Variants in SH3PXD2B observed in about 807,000 individuals in gnomAD.
SH3PXD2B encodes the protein SH3 and PX domains 2B.
In SH3PXD2B, 37 loss-of-function variants were observed where a neutral mutation model predicts 73.1. The observed-to-expected ratio is 0.51, with a 90% confidence interval of 0.39 to 0.67. The LOEUF (loss-of-function observed/expected upper bound fraction) is 0.67. Among genes scored for constraint, SH3PXD2B ranks in the 30% least tolerant of loss-of-function variants. SH3PXD2B has a pLI of 0.00. For missense variants in SH3PXD2B, 1,053 were observed against 1,197.8 expected, an observed-to-expected ratio of 0.88 and a Z score of 1.78; for synonymous variants, 457 against 480.5, an observed-to-expected ratio of 0.95 and a Z score of 0.64.
chr5:172,420,107 C>T (rs1468222605), intron 2 of SH3PXD2B, among the ~76,000 whole-genome samples: 1 of 152,200 alleles, frequency 6.6e-6, no homozygotes, highest in Non-Finnish European at 1.5e-5. Flanking sequence ...CCTTCCTCTT[C>T]CCCAGGGTTT....
chr5:172,391,123 G>A (rs1034401298), intron 4 of SH3PXD2B, among the ~76,000 whole-genome samples: 1 of 152,124 alleles, frequency 6.6e-6, no homozygotes, highest in African/African-American at 2.4e-5. Flanking sequence ...TTACAGCCGT[G>A]AGCCACCACG....
intron 2 of SH3PXD2B, among the ~76,000 whole-genome samples, chr5:172,420,358 T>C (rs1407292936): frequency 6.6e-6 from 1 of 152,244 alleles, no homozygotes; most frequent in Non-Finnish European, 1.5e-5. Flanking sequence ...CTTTATATTA[T>C]GCAATGACTC....
intron 2 of SH3PXD2B, among the ~76,000 whole-genome samples, chr5:172,410,043 C>G (rs1758657080): frequency 6.6e-6 from 1 of 152,208 alleles, no homozygotes. Context: ...ATCCATTCAT[C>G]TGCTGATGGG....
chr5:172,334,102 G>A lies in SH3PXD2B; in HGVS notation c.*4267C>T. The A allele has an allele frequency of 8.9e-7, 1 of 1,123,304 alleles. No individual in the cohort carries two copies. Among genetic ancestry groups the A allele is most frequent in the South Asian group, 2.0e-5 (1 of 49,552 alleles). 69.6% of individuals were successfully genotyped at this position (1,123,304 alleles called of 1,614,324 possible). On this transcript the variant is annotated 3_prime_UTR_variant, in exon 13 of 13. Coordinates refer to ENST00000311601, the MANE Select transcript of SH3PXD2B (RefSeq NM_001017995.3). ...GTTGAGCCCCTCATCCCTGATTGGA[G>A]CTAAGAAGGCTTACTTTGGAGTCGA...
At chr5:172,376,152 C>T (rs1181048991) in intron 5 of SH3PXD2B, among the ~76,000 whole-genome samples, 1 of 151,948 alleles carries the variant, frequency 6.6e-6, no homozygotes, top group African/African-American at 2.4e-5. Context: ...GCCTCAGCCT[C>T]CCATGTAGCT....
At chr5:172,441,291 C>G (rs1448360057) in intron 1 of SH3PXD2B, among the ~76,000 whole-genome samples, 1 of 152,150 alleles carries the variant, frequency 6.6e-6, no homozygotes, top group East Asian at 1.9e-4. Context: ...AGTGACAAAG[C>G]CAGGGTTTGT....
chr5:172,454,216 G>C, intron 1 of SH3PXD2B, 62 bp downstream of exon 1: 1 of 1,428,804 alleles, frequency 7.0e-7, no homozygotes, highest in Non-Finnish European at 9.6e-7. Flanking sequence ...CAAGCCGGGG[G>C]CCCTCGGTCG....
intron 4 of SH3PXD2B, among the ~76,000 whole-genome samples, chr5:172,385,959 T>C (rs953382337): frequency 3.3e-5 from 5 of 152,188 alleles, no homozygotes; most frequent in African/African-American, 1.2e-4. Context: ...CTGTCAGTAG[T>C]GACAAAGAAC....
At chr5:172,448,296 G>C (rs2113519673) in intron 1 of SH3PXD2B, among the ~76,000 whole-genome samples, 1 of 152,332 alleles carries the variant, frequency 6.6e-6, no homozygotes, top group South Asian at 2.1e-4. Context: ...CAGAAATTTA[G>C]ATCACGACTA....
At chr5:172,449,565 C>T (rs971755299) in intron 1 of SH3PXD2B, among the ~76,000 whole-genome samples, 2 of 152,104 alleles carry the variant, frequency 1.3e-5, no homozygotes, top group African/African-American at 2.4e-5. Flanking sequence ...CCCAATATAT[C>T]GAAAAACAGG....
chr5:172,337,468 GC>G lies in SH3PXD2B; in HGVS notation c.*900del. The G allele has an allele frequency of 2.0e-6, 2 of 984,222 alleles. No homozygotes were observed. Among genetic ancestry groups the G allele is most frequent in the Non-Finnish European group, 2.4e-6 (2 of 828,820 alleles). 61.0% of individuals were successfully genotyped at this position (984,222 alleles called of 1,614,324 possible). On this transcript the variant is annotated 3_prime_UTR_variant, in exon 13 of 13. Coordinates refer to ENST00000311601, the MANE Select transcript of SH3PXD2B (RefSeq NM_001017995.3). ...GAGGGTCAAAGCATGAATGCAAAGC[GC>G]CAAGTACAGTGTTTGGCACCCACGA...
chr5:172,370,544 C>T (rs59653378), intron 6 of SH3PXD2B, among the ~76,000 whole-genome samples: 16,440 of 152,174 alleles, frequency 0.11, 1,078 homozygotes, highest in South Asian at 0.21. Context: ...GAGCACACCC[C>T]GGAGTGGCAC....
chr5:172,427,796 G>A (rs911373726), intron 1 of SH3PXD2B, among the ~76,000 whole-genome samples: 2 of 110,644 alleles, frequency 1.8e-5, no homozygotes, highest in African/African-American at 7.1e-5. Context: ...TTTTTTTTTT[G>A]AGATGGAGTC....
chr5:172,382,110 G>T lies in SH3PXD2B; in HGVS notation c.327C>A (p.Pro109=). 6.2e-7 allele frequency: 1 copy of T among 1,608,980 alleles called. No individual in the cohort carries two copies. Residue 109 remains proline (P), a synonymous_variant, in exon 5 of 13, where the codon CCC becomes CCA. Coordinates refer to ENST00000311601, the MANE Select transcript of SH3PXD2B (RefSeq NM_001017995.3). Reference sequence around the variant, plus strand: ...CCTCATCACACTGAGAGATGTAGGGGGGCAGCTGGATGAGGGCCTGGAGAA... The same window carrying T: ...CCTCATCACACTGAGAGATGTAGGGTGGCAGCTGGATGAGGGCCTGGAGAA... The part of the protein sequence containing the change: ...DEYCKALIQL[P]PYISQCDEVL...
At chr5:172,369,840 C>T (rs58908110) in intron 6 of SH3PXD2B, among the ~76,000 whole-genome samples, 5,461 of 143,022 alleles carry the variant, frequency 0.038, 322 homozygotes, top group African/African-American at 0.13. Context: ...CTTCCTATCT[C>T]AGGGAGCATT....
At chr5:172,443,675 C>A (rs1392855770) in intron 1 of SH3PXD2B, among the ~76,000 whole-genome samples, 1 of 152,232 alleles carries the variant, frequency 6.6e-6, no homozygotes, top group Non-Finnish European at 1.5e-5. Context: ...TGACTGGAAG[C>A]CAACAGTGGC....
chr5:172,338,103 T>G lies in SH3PXD2B; in HGVS notation c.*266A>C. 7.2e-7 allele frequency: 1 copy of G among 1,382,234 alleles called. No homozygotes were observed. The highest frequency in any genetic ancestry group is 9.4e-7 in the Non-Finnish European group (1 of 1,067,916). The allele number at this position is 1,382,234 out of a possible 1,614,324, so 85.6% of individuals were successfully genotyped here. On this transcript the variant is annotated 3_prime_UTR_variant, in exon 13 of 13. Coordinates refer to ENST00000311601, the MANE Select transcript of SH3PXD2B (RefSeq NM_001017995.3). This position sits in a 1 kb window ranked among gnomAD's most constrained non-coding sequence, Gnocchi z 5.1. Reference sequence around the variant, plus strand: ...GGCAATGCCATTGGCCAGGAGGAGTTCTCTTAAGGCAGGGATGCTGACATG... The same window carrying G: ...GGCAATGCCATTGGCCAGGAGGAGTGCTCTTAAGGCAGGGATGCTGACATG...
In SH3PXD2B at chr5:172,333,607, T is replaced by C; in HGVS notation, c.*4762A>G. On this transcript the variant is annotated 3_prime_UTR_variant, in exon 13 of 13. Transcript: ENST00000311601. ...GCCTACACATGCTACAGCTAGTTGT[T>C]CTCACCCCTCCCCTCACATCCTATA... 3 of 1,282,536 alleles carry C rather than the reference T, an allele frequency of 2.3e-6. No individual in the cohort carries two copies. The highest frequency in any genetic ancestry group is 3.0e-6 in the Non-Finnish European group (3 of 986,910). The allele number at this position is 1,282,536 out of a possible 1,614,324, so 79.4% of individuals were successfully genotyped here. A position where few individuals can be genotyped will look rare whatever the true frequency, so the allele number is the denominator to read the frequency against.
At chr5:172,361,057 T>C (rs1247239473) in intron 7 of SH3PXD2B, among the ~76,000 whole-genome samples, 1 of 152,198 alleles carries the variant, frequency 6.6e-6, no homozygotes, top group Non-Finnish European at 1.5e-5. Context: ...GATCAAAATG[T>C]ATACAATGAC....
Sources: gnomAD v4.1 joint callset for allele counts (sites outside exome capture counted in the v4.1 genomes callset) on GRCh38, gnomAD v4.1.1 for gene constraint, Gnocchi (gnomAD v3.1) non-coding constraint, MANE v1.5 for transcripts, NCBI Gene and HGNC (gene_info 2026-07-23, HGNC 2026-07-21) for gene names.